The following MIPEP variants were observed in gnomAD, a reference collection of about 807,000 sequenced individuals.
MIPEP encodes the protein mitochondrial intermediate peptidase.
A neutral mutation model predicts 90.3 loss-of-function variants in MIPEP; 79 were observed. The ratio of observed to expected loss-of-function variants is 0.87; its 90% CI spans 0.73 to 1.05. MIPEP has a LOEUF of 1.05. MIPEP is among the 50% of genes least tolerant of loss of function. The probability of loss-of-function intolerance (pLI) is 0.00; values close to 1 mark genes in which losing one functional copy is unlikely to be tolerated. For synonymous variants in MIPEP, 334 were observed against 315.8 expected, an observed-to-expected ratio of 1.06 and a Z score of -0.61; for missense variants, 940 against 905.6, an observed-to-expected ratio of 1.04 and a Z score of -0.49.
intron 10 of MIPEP, among the ~76,000 whole-genome samples, chr13:23,845,641 T>C (rs543727384): frequency 1.3e-5 from 2 of 152,298 alleles, no homozygotes; most frequent in South Asian, 2.1e-4. Context: ...AGAAATGGCA[T>C]TGCTGCAAAG....
At chr13:23,784,560 T>C (rs1194383793) in intron 16 of MIPEP, among the ~76,000 whole-genome samples, 1 of 152,044 alleles carries the variant, frequency 6.6e-6, no homozygotes, top group Non-Finnish European at 1.5e-5. Context: ...GGCAATACCA[T>C]TCAGGACATA....
intron 16 of MIPEP, among the ~76,000 whole-genome samples, chr13:23,768,232 C>T (rs527467040): frequency 6.6e-6 from 1 of 152,182 alleles, no homozygotes; most frequent in Non-Finnish European, 1.5e-5. Flanking sequence ...AGTTTACACC[C>T]GGCTTGATTT....
intron 5 of MIPEP, among the ~76,000 whole-genome samples, chr13:23,872,507 A>C (rs1870862390): frequency 6.6e-6 from 1 of 152,194 alleles, no homozygotes; most frequent in Non-Finnish European, 1.5e-5. Flanking sequence ...AACTGGAAAG[A>C]ACATAGGCTT....
intron 10 of MIPEP, among the ~76,000 whole-genome samples, chr13:23,841,826 TCA>T (rs1463959629): frequency 1.3e-5 from 2 of 152,186 alleles, no homozygotes; most frequent in African/African-American, 4.8e-5. Context: ...CAAAATATGA[TCA>T]GTTTCAGTTA....
chr13:23,845,067 A>C (rs1869472431), intron 10 of MIPEP, among the ~76,000 whole-genome samples: 1 of 152,234 alleles, frequency 6.6e-6, no homozygotes, highest in Non-Finnish European at 1.5e-5. Context: ...TTATGCATGT[A>C]AACTTTATGT....
intron 16 of MIPEP, among the ~76,000 whole-genome samples, chr13:23,800,201 C>A (rs1953018457): frequency 6.6e-6 from 1 of 152,176 alleles, no homozygotes; most frequent in South Asian, 2.1e-4. Flanking sequence ...CACATTAGAA[C>A]AGAGTCAGAG....
At chr13:23,787,538 A>C (rs183270763) in intron 16 of MIPEP, among the ~76,000 whole-genome samples, 22 of 152,134 alleles carry the variant, frequency 1.4e-4, no homozygotes, top group African/African-American at 5.3e-4. Flanking sequence ...AGATCTCCCA[A>C]AGGTCCCACC....
intron 10 of MIPEP, among the ~76,000 whole-genome samples, chr13:23,856,826 A>C (rs1870067266): frequency 1.3e-5 from 2 of 152,140 alleles, no homozygotes; most frequent in Non-Finnish European, 2.9e-5. Context: ...TAGTGAAAAA[A>C]CTATCACTTA....
At chr13:23,779,526 G>A (rs971496677) in intron 16 of MIPEP, among the ~76,000 whole-genome samples, 5 of 152,136 alleles carry the variant, frequency 3.3e-5, no homozygotes, top group African/African-American at 1.2e-4. Context: ...AGCTCCCAGC[G>A]TGAGTGACGC....
intron 16 of MIPEP, among the ~76,000 whole-genome samples, chr13:23,774,389 G>C (rs1952688709): frequency 6.6e-6 from 1 of 151,746 alleles, no homozygotes; most frequent in Non-Finnish European, 1.5e-5. Context: ...GGCTATTCTG[G>C]GTCTCCCACA....
intron 16 of MIPEP, among the ~76,000 whole-genome samples, chr13:23,787,261 AGGCT>A (rs1327914737): frequency 2.6e-5 from 4 of 152,174 alleles, no homozygotes; most frequent in Non-Finnish European, 5.9e-5. Context: ...ATAGTTCTGG[AGGCT>A]GGGAAGTGCA....
At chr13:23,858,079 G>C (rs1014854565) in intron 10 of MIPEP, among the ~76,000 whole-genome samples, 2 of 151,986 alleles carry the variant, frequency 1.3e-5, no homozygotes, top group South Asian at 4.2e-4. Flanking sequence ...AACTACAAGG[G>C]AAAAATGTTA....
intron 14 of MIPEP, among the ~76,000 whole-genome samples, chr13:23,832,175 G>A (rs989471342): frequency 6.6e-6 from 1 of 152,124 alleles, no homozygotes; most frequent in Non-Finnish European, 1.5e-5. Flanking sequence ...GATTATCATG[G>A]GAGTGGGACT....
rs568846097 is a variant in MIPEP at position 23,879,388 on chromosome 13, T to C, written c.453-34A>G. ...AATAGAAATTTAAAAAATTAGATGA[T>C]TTTCTAATACCTTATTTTTAACTTT... On this transcript the variant is annotated intron_variant, in intron 3 of 18. Transcript: ENST00000382172. The C allele has an allele frequency of 3.0e-5, 33 of 1,101,694 alleles. No individual in the cohort carries two copies. The Admixed American group carries it at 5.9e-4, about 20-fold the overall frequency. The allele number at this position is 1,101,694 out of a possible 1,614,324, so 68.2% of individuals were successfully genotyped here. A position where few individuals can be genotyped will look rare whatever the true frequency, so the allele number is the denominator to read the frequency against.
chr13:23,752,239 G>C (rs947392083), intron 18 of MIPEP, among the ~76,000 whole-genome samples: 2 of 152,116 alleles, frequency 1.3e-5, no homozygotes, highest in African/African-American at 4.8e-5. Flanking sequence ...AGACCAAATA[G>C]TTTACAGAGG....
intron 14 of MIPEP, among the ~76,000 whole-genome samples, chr13:23,822,454 A>C (rs1045030347): frequency 3.9e-5 from 6 of 152,322 alleles, no homozygotes; most frequent in African/African-American, 1.4e-4. Flanking sequence ...TTGGGTAACC[A>C]AATGCTCCTA....
chr13:23,851,593 C>T (rs1346642296), intron 10 of MIPEP, among the ~76,000 whole-genome samples: 1 of 152,212 alleles, frequency 6.6e-6, no homozygotes, highest in Non-Finnish European at 1.5e-5. Context: ...GAGAGGGAAA[C>T]CCTCATCGCA....
chr13:23,760,064 A>G (rs1952523858), intron 17 of MIPEP, 32 bp downstream of exon 17: 2 of 1,613,530 alleles, frequency 1.2e-6, no homozygotes, highest in Non-Finnish European at 1.7e-6. Context: ...CTGTGGTCCA[A>G]GATGGGGACA....
At chr13:23,781,325 C>A (rs1233932998) in intron 16 of MIPEP, among the ~76,000 whole-genome samples, 1 of 152,146 alleles carries the variant, frequency 6.6e-6, no homozygotes, top group African/African-American at 2.4e-5. Context: ...AAAGAATTTT[C>A]AACCCAGAAT....
Sources: gnomAD v4.1 joint callset for allele counts (sites outside exome capture counted in the v4.1 genomes callset) on GRCh38, gnomAD v4.1.1 for gene constraint, MANE v1.5 for transcripts, NCBI Gene and HGNC (gene_info 2026-07-23, HGNC 2026-07-21) for gene names.